The following EDA variants were observed in gnomAD, a reference collection of about 807,000 sequenced individuals.
EDA encodes the protein ectodysplasin A, also known as ectodysplasin-A.
Under a neutral mutation model 23.6 loss-of-function variants are expected in EDA, and 2 were observed. The ratio of observed to expected loss-of-function variants is 0.08; its 90% CI spans 0.03 to 0.27. The LOEUF (loss-of-function observed/expected upper bound fraction) is 0.27. Among genes scored for constraint, EDA ranks in the 10% least tolerant of loss-of-function variants. The probability of loss-of-function intolerance (pLI) is 1.00; values close to 1 mark genes in which losing one functional copy is unlikely to be tolerated. For missense variants in EDA, 229 were observed against 324.2 expected (o/e 0.71, Z 2.26); for synonymous variants, 131 against 132.0 (o/e 0.99, Z 0.05).
At chrX:69,620,881 C>T (rs1482843603) in intron 1 of EDA, 1 of 378,589 alleles carries the variant, frequency 2.6e-6, no homozygotes, top group Non-Finnish European at 5.2e-6. Context: ...AAGACATTTT[C>T]TCTTTCTATA....
intron 1 of EDA, among the ~76,000 whole-genome samples, chrX:69,731,487 G>A (rs2013024202): frequency 9.2e-6 from 1 of 109,234 alleles, no homozygotes; most frequent in South Asian, 4.0e-4. Context: ...TGTCGCCCAG[G>A]CTGGAGTACA....
intron 1 of EDA, among the ~76,000 whole-genome samples, chrX:69,914,695 G>A (rs1415933519): frequency 9.0e-6 from 1 of 110,890 alleles, no homozygotes; most frequent in Non-Finnish European, 1.9e-5. Flanking sequence ...TCTTAACGGT[G>A]GTATAGAAGA....
intron 1 of EDA, among the ~76,000 whole-genome samples, chrX:69,668,107 G>A (rs893381578): frequency 3.6e-5 from 4 of 111,826 alleles, no homozygotes; most frequent in Non-Finnish European, 5.6e-5. Flanking sequence ...TTTTAATGTA[G>A]GCATTTATTG....
intron 1 of EDA, among the ~76,000 whole-genome samples, chrX:69,740,333 A>G (rs891071778): frequency 1.8e-5 from 2 of 111,566 alleles, no homozygotes; most frequent in African/African-American, 6.5e-5. Flanking sequence ...TATGCTAGCA[A>G]CACATTATCT....
At chrX:69,952,166 T>A (rs1169133679) in intron 1 of EDA, among the ~76,000 whole-genome samples, 5 of 112,094 alleles carry the variant, frequency 4.5e-5, no homozygotes, top group Non-Finnish European at 1.9e-5. Flanking sequence ...TTTTAAGCAG[T>A]GTTTTTGTGT....
chrX:69,683,324 A>G (rs1934438688), intron 1 of EDA, among the ~76,000 whole-genome samples: 1 of 111,201 alleles, frequency 9.0e-6, no homozygotes, highest in Non-Finnish European at 1.9e-5. Flanking sequence ...CCTGGCATAT[A>G]ATAATAATAA....
chrX:69,922,861 G>T (rs1318178301), intron 1 of EDA, among the ~76,000 whole-genome samples: 1 of 111,297 alleles, frequency 9.0e-6, no homozygotes, highest in Non-Finnish European at 1.9e-5. Context: ...AGGGAGTTTT[G>T]TTGGTAAGCA....
chrX:69,813,073 G>A (rs147204636), intron 1 of EDA, among the ~76,000 whole-genome samples: 1,729 of 111,014 alleles, frequency 0.016, 24 homozygotes, highest in African/African-American at 0.051. Flanking sequence ...AGTTGGGCCC[G>A]CAGAGCACCA....
chrX:69,672,365 G>T (rs1933927589), intron 1 of EDA: 1 of 112,028 alleles, frequency 8.9e-6, no homozygotes, highest in African/African-American at 3.2e-5. Context: ...AAAAGCAAAT[G>T]GTCCATTTCC....
At chrX:69,811,152 T>A (rs1227406421) in intron 1 of EDA, among the ~76,000 whole-genome samples, 1 of 112,085 alleles carries the variant, frequency 8.9e-6, no homozygotes, top group African/African-American at 3.2e-5. Flanking sequence ...CCATATATAG[T>A]ACAAGATGTA....
intron 2 of EDA, among the ~76,000 whole-genome samples, chrX:69,979,583 A>T (rs983160858): frequency 2.7e-5 from 3 of 111,769 alleles, no homozygotes; most frequent in African/African-American, 9.7e-5. Context: ...TGATTATATC[A>T]TAGTGGGTGT....
At chrX:69,661,364 G>T (rs1933498953) in intron 1 of EDA, among the ~76,000 whole-genome samples, 2 of 99,571 alleles carry the variant, frequency 2.0e-5, no homozygotes, top group Non-Finnish European at 4.0e-5. Context: ...GATCCCATTT[G>T]TCAATTTTGG....
chrX:69,655,056 T>C (rs1933258497), intron 1 of EDA, among the ~76,000 whole-genome samples: 1 of 111,830 alleles, frequency 8.9e-6, no homozygotes, highest in Non-Finnish European at 1.9e-5. Context: ...CAAATGTTCA[T>C]AAACTTCTGC....
chrX:69,686,858 C>T (rs1179112264), intron 1 of EDA, among the ~76,000 whole-genome samples: 1 of 110,934 alleles, frequency 9.0e-6, no homozygotes, highest in East Asian at 2.8e-4. Context: ...CATTTTTTGC[C>T]TGTTGTGAAT....
At chrX:70,019,484 T>C (rs2020000706) in intron 2 of EDA, among the ~76,000 whole-genome samples, 1 of 111,715 alleles carries the variant, frequency 9.0e-6, no homozygotes, top group Non-Finnish European at 1.9e-5. Context: ...AAAATGTACG[T>C]ACATGTCATG....
intron 1 of EDA, among the ~76,000 whole-genome samples, chrX:69,687,092 T>C (rs1276490786): frequency 8.9e-6 from 1 of 111,789 alleles, no homozygotes; most frequent in South Asian, 3.7e-4. Flanking sequence ...CACTTGTTAT[T>C]GTCTATTTTT....
intron 1 of EDA, among the ~76,000 whole-genome samples, chrX:69,622,861 G>A (rs192313741): frequency 2.2e-3 from 245 of 111,388 alleles, no homozygotes; most frequent in Non-Finnish European, 2.8e-3. Flanking sequence ...ACTTGAAATC[G>A]ATTTTTGTGT....
At position 70,035,633 on chromosome X, in the gene EDA, C is replaced by T. The variant is rs781680455; in HGVS notation, c.*24C>T. ...AGATTCCCCCCATTTTGCCTCTGTC[C>T]GTGCCCCTTCCCTGGGTTTGGGAGC... On this transcript the variant is annotated 3_prime_UTR_variant, in exon 8 of 8. Transcript: ENST00000374552. 29 of 1,201,277 alleles carry T rather than the reference C, an allele frequency of 2.4e-5. No homozygotes were observed. The highest frequency in any genetic ancestry group is 1.4e-4 in the South Asian group (8 of 56,311).
intron 1 of EDA, among the ~76,000 whole-genome samples, chrX:69,717,788 G>A (rs2012406247): frequency 1.8e-5 from 2 of 111,318 alleles, no homozygotes; most frequent in Admixed American, 1.9e-4. Flanking sequence ...CAAAGTGCTG[G>A]GATTACAGGT....
Sources: gnomAD v4.1 joint callset for allele counts (sites outside exome capture counted in the v4.1 genomes callset) on GRCh38, gnomAD v4.1.1 for gene constraint, MANE v1.5 for transcripts, NCBI Gene and HGNC (gene_info 2026-07-23, HGNC 2026-07-21) for gene names.